The following KIAA1549 variants were observed in gnomAD, a reference collection of about 807,000 sequenced individuals.
KIAA1549 encodes KIAA1549, also known as UPF0606 protein KIAA1549.
KIAA1549 carries 70 observed loss-of-function variants against 156.4 expected under a neutral mutation model. The ratio of observed to expected loss-of-function variants is 0.45; its 90% CI spans 0.37 to 0.55. The LOEUF (loss-of-function observed/expected upper bound fraction) is 0.55, where lower values mean the gene tolerates loss of function less well. Among genes scored for constraint, KIAA1549 ranks in the 20% least tolerant of loss-of-function variants. The pLI, the probability that KIAA1549 is intolerant of heterozygous loss-of-function variation, is 0.00. For missense variants in KIAA1549, 2,428 were observed against 2,540.9 expected, an observed-to-expected ratio of 0.96 and a Z score of 0.96; for synonymous variants, 1,103 against 1,066.4, an observed-to-expected ratio of 1.03 and a Z score of -0.67.
Position 138,831,899 on chromosome 7 carries a change from C to T in KIAA1549, c.*6007G>A. 4.3e-6 allele frequency: 1 copy of T among 233,000 alleles called. No individual in the cohort carries two copies. The highest frequency in any genetic ancestry group is 8.5e-6 in the Non-Finnish European group (1 of 117,894). The allele number at this position is 233,000 out of a possible 1,614,324, so 14.4% of individuals were successfully genotyped here. A position where few individuals can be genotyped will look rare whatever the true frequency, so the allele number is the denominator to read the frequency against. On this transcript the variant is annotated 3_prime_UTR_variant, in exon 20 of 20. Transcript: ENST00000422774. ...CCACTCCCCTTTTCTGAAACAAGTC[C>T]TCTGGTGCTTAGAGCAACTGAATGA...
At chr7:138,908,442 G>A (rs1038817173) in intron 5 of KIAA1549, among the ~76,000 whole-genome samples, 5 of 152,192 alleles carry the variant, frequency 3.3e-5, no homozygotes, top group East Asian at 3.9e-4. Context: ...CTTGGAGGAC[G>A]ACATTTAGTA....
chr7:138,977,353 G>A (rs1477547013), intron 1 of KIAA1549, among the ~76,000 whole-genome samples: 1 of 152,082 alleles, frequency 6.6e-6, no homozygotes, highest in African/African-American at 2.4e-5. Context: ...CAATTCTAAA[G>A]CAATAAAACC....
In KIAA1549 at chr7:138,844,368, AG is replaced by A; in HGVS notation, c.5400del (p.Ser1801ArgfsTer24). The A allele has an allele frequency of 6.2e-7, 1 of 1,613,288 alleles. No individual in the cohort carries two copies. On this transcript the variant is annotated frameshift_variant, in exon 18 of 20. Coordinates refer to ENST00000422774, the MANE Select transcript of KIAA1549 (RefSeq NM_001164665.2). LOFTEE classifies it high-confidence loss of function. ...CGGGCCACCGACGGCATCTCCTCCGAGTAGATCCCTCTGGCAGCAAATGGGG... is the reference window on the plus strand; with the variant it reads ...CGGGCCACCGACGGCATCTCCTCCGATAGATCCCTCTGGCAGCAAATGGGG... ...AEAPFAARGI[Y>X]SEEMPSVARP...
chr7:138,847,549 T>C (rs545714064), intron 17 of KIAA1549, among the ~76,000 whole-genome samples: 17 of 152,380 alleles, frequency 1.1e-4, no homozygotes, highest in South Asian at 8.3e-4. Flanking sequence ...CTCTGTTTTA[T>C]TGCAATGCCA....
intron 1 of KIAA1549, among the ~76,000 whole-genome samples, chr7:138,953,221 T>C (rs1442730289): frequency 6.6e-6 from 1 of 152,106 alleles, no homozygotes; most frequent in Non-Finnish European, 1.5e-5. Flanking sequence ...CCAGGCATGG[T>C]GGTGCACACC....
intron 17 of KIAA1549, 129 bp from the exon 18 acceptor site, chr7:138,844,603 G>A: frequency 1.2e-6 from 1 of 838,360 alleles, no homozygotes; most frequent in Non-Finnish European, 1.7e-6. Context: ...TCCTCTCCTG[G>A]AAGGGGAAGA....
At position 138,869,572 on chromosome 7, in the gene KIAA1549, T is replaced by C. The variant is rs1179069821; in HGVS notation, c.4741A>G (p.Ser1581Gly). Residue 1581 changes from serine (S) to glycine (G), a missense_variant, in exon 14 of 20, where the codon AGC becomes GGC. Ser to Gly is a moderately conservative substitution (Grantham distance 56). Coordinates refer to ENST00000422774, the MANE Select transcript of KIAA1549 (RefSeq NM_001164665.2). ...QIDKILDPTA[S>G]VPSVFIEPRK... ...GGCTCTATGAACACGGAGGGCACGCTGGCCGTGGGGTCCAGGATCTTGTCG... is the reference window on the plus strand; with the variant it reads ...GGCTCTATGAACACGGAGGGCACGCCGGCCGTGGGGTCCAGGATCTTGTCG... The C allele has an allele frequency of 1.9e-6, 3 of 1,589,416 alleles. No individual in the cohort carries two copies. The highest frequency in any genetic ancestry group is 4.6e-5 in the East Asian group (2 of 43,748).
chr7:138,958,875 C>T (rs1003756844), intron 1 of KIAA1549, among the ~76,000 whole-genome samples: 1 of 150,296 alleles, frequency 6.7e-6, no homozygotes, highest in Admixed American at 6.6e-5. Flanking sequence ...TGCACTATAG[C>T]CCAAAGGTTT....
intron 3 of KIAA1549, among the ~76,000 whole-genome samples, chr7:138,912,130 A>G (rs1387958474): frequency 6.6e-6 from 1 of 152,168 alleles, no homozygotes; most frequent in East Asian, 1.9e-4. Flanking sequence ...CTTTGTTCCA[A>G]CTCTGCCAAC....
chr7:138,877,169 C>T (rs578162553), intron 12 of KIAA1549, among the ~76,000 whole-genome samples: 3 of 152,286 alleles, frequency 2.0e-5, no homozygotes, highest in Admixed American at 1.3e-4. Context: ...TACTTCATTA[C>T]GACTTTCAAC....
At chr7:138,950,257 T>TA (rs1475421052) in intron 1 of KIAA1549, among the ~76,000 whole-genome samples, 1 of 152,220 alleles carries the variant, frequency 6.6e-6, no homozygotes, top group East Asian at 1.9e-4. Context: ...ATTATAATCG[T>TA]AAAAAATTTC....
Position 138,861,275 on chromosome 7 carries a change from GGCTGGCT to G in KIAA1549, c.5104_5110del (p.Ser1702LeufsTer7). On this transcript the variant is annotated frameshift_variant, in exon 16 of 20. Transcript: ENST00000422774. LOFTEE classifies it high-confidence loss of function. ...GGGGCCTACACCTGCGGTGCTGGCA[GGCTGGCT>G]GCTGGGGGCCACGAGGGCAAAGGCG... 1 of 1,608,646 alleles carries G rather than the reference GGCTGGCT, an allele frequency of 6.2e-7. No homozygotes were observed. The highest frequency in any genetic ancestry group is 8.5e-7 in the Non-Finnish European group (1 of 1,178,398).
intron 1 of KIAA1549, among the ~76,000 whole-genome samples, chr7:138,979,141 T>G (rs1460805408): frequency 2.6e-5 from 4 of 152,174 alleles, no homozygotes; most frequent in Non-Finnish European, 4.4e-5. Context: ...GAAGCCAATA[T>G]ACAAACCAGT....
chr7:138,936,231 C>G lies in KIAA1549; in HGVS notation c.188-16793G>C, dbSNP rs563713197. Reference sequence around the variant, plus strand: ...AGTGGAATGGATGGGGAAGACAGAACAAAAAGTCAAAGGTGATTCTAAGTC... The same window carrying G: ...AGTGGAATGGATGGGGAAGACAGAAGAAAAAGTCAAAGGTGATTCTAAGTC... On this transcript the variant is annotated intron_variant, in intron 1 of 19. Coordinates refer to ENST00000422774, the MANE Select transcript of KIAA1549 (RefSeq NM_001164665.2). Among the ~76,000 whole-genome samples, 11 of 152,178 alleles carry G rather than the reference C, an allele frequency of 7.2e-5. No individual in the cohort carries two copies. In the South Asian group the frequency reaches 2.3e-3, roughly 32 times the overall value.
chr7:138,889,519 A>G (rs573858735), intron 10 of KIAA1549, among the ~76,000 whole-genome samples: 1 of 152,346 alleles, frequency 6.6e-6, no homozygotes, highest in Non-Finnish European at 1.5e-5. Flanking sequence ...TTAAGTCAAC[A>G]ACAAGATGCG....
intron 5 of KIAA1549, among the ~76,000 whole-genome samples, chr7:138,907,778 G>A (rs185881351): frequency 6.6e-6 from 1 of 152,280 alleles, no homozygotes; most frequent in East Asian, 1.9e-4. Context: ...TGCCTAAGAG[G>A]ACTATGGTGG....
chr7:138,977,459 T>A (rs187681756), intron 1 of KIAA1549, among the ~76,000 whole-genome samples: 129 of 152,322 alleles, frequency 8.5e-4, no homozygotes, highest in Admixed American at 1.6e-3. Flanking sequence ...ATGCAAGTGA[T>A]AATGGAAGGC....
intron 1 of KIAA1549, among the ~76,000 whole-genome samples, chr7:138,927,705 C>T (rs183635788): frequency 1.3e-5 from 2 of 152,312 alleles, no homozygotes; most frequent in Admixed American, 6.5e-5. Context: ...CTAAATTTCT[C>T]AAAGTCGTTG....
intron 7 of KIAA1549, among the ~76,000 whole-genome samples, chr7:138,904,621 C>CAAA (rs768150554): frequency 3.3e-4 from 15 of 45,716 alleles, no homozygotes; most frequent in South Asian, 9.1e-4. Flanking sequence ...TCCCCTAAGA[C>CAAA]AAAAAAAAAA....
Sources: gnomAD v4.1 joint callset for allele counts (sites outside exome capture counted in the v4.1 genomes callset) on GRCh38, gnomAD v4.1.1 for gene constraint, MANE v1.5 for transcripts, NCBI Gene and HGNC (gene_info 2026-07-23, HGNC 2026-07-21) for gene names.